Variants in CDH18 observed in about 807,000 individuals in gnomAD.
CDH18 encodes cadherin-18.
A neutral mutation model predicts 67.9 loss-of-function variants in CDH18; 31 were observed. The ratio of observed to expected loss-of-function variants is 0.46; its 90% CI spans 0.34 to 0.62. The LOEUF (loss-of-function observed/expected upper bound fraction) is 0.62. Ranked by LOEUF, CDH18 falls within the 20% of genes least tolerant of loss-of-function variation. CDH18 has a pLI of 0.01. For missense variants in CDH18, 890 were observed against 975.5 expected (o/e 0.91, Z 1.17); for synonymous variants, 362 against 347.2 (o/e 1.04, Z -0.48).
At chr5:20,020,860 GACC>G (rs1244263505) in intron 2 of CDH18, among the ~76,000 whole-genome samples, 1 of 152,054 alleles carries the variant, frequency 6.6e-6, no homozygotes, top group East Asian at 1.9e-4. Context: ...ATGAGAAGAA[GACC>G]ACCATCATCC....
chr5:19,530,213 T>C (rs1174304970), intron 9 of CDH18, among the ~76,000 whole-genome samples: 2 of 152,112 alleles, frequency 1.3e-5, no homozygotes, highest in Non-Finnish European at 2.9e-5. Context: ...GGTGGATCCA[T>C]TGTAAATTCA....
intron 3 of CDH18, among the ~76,000 whole-genome samples, chr5:19,798,928 C>T (rs187294384): frequency 7.9e-5 from 12 of 152,042 alleles, no homozygotes; most frequent in South Asian, 2.1e-4. Context: ...AATTAAGATA[C>T]CTTTTTAAAG....
intron 1 of CDH18, among the ~76,000 whole-genome samples, chr5:20,371,357 C>G (rs1742983495): frequency 6.6e-6 from 1 of 152,090 alleles, no homozygotes; most frequent in Non-Finnish European, 1.5e-5. Flanking sequence ...GTAGAGATGT[C>G]AATTAAATTG....
intron 2 of CDH18, among the ~76,000 whole-genome samples, chr5:19,940,940 C>G (rs1794748227): frequency 6.6e-6 from 1 of 152,056 alleles, no homozygotes; most frequent in South Asian, 2.1e-4. Context: ...AATAAAAGTT[C>G]CAGTCTATTA....
chr5:19,884,403 CT>C (rs1352208100), intron 2 of CDH18, among the ~76,000 whole-genome samples: 4 of 152,072 alleles, frequency 2.6e-5, no homozygotes, highest in Non-Finnish European at 5.9e-5. Context: ...TTATTAAATA[CT>C]GCCTAACAGA....
chr5:20,235,328 C>G (rs1742388482), intron 2 of CDH18, among the ~76,000 whole-genome samples: 1 of 152,042 alleles, frequency 6.6e-6, no homozygotes, highest in African/African-American at 2.4e-5. Context: ...AAACTATCAA[C>G]AGAGTAAACA....
At chr5:19,797,204 C>A (rs564375039) in intron 3 of CDH18, among the ~76,000 whole-genome samples, 92 of 151,754 alleles carry the variant, frequency 6.1e-4, no homozygotes, top group Admixed American at 1.2e-3. Flanking sequence ...AAATACTATA[C>A]CATGTAAATT....
intron 1 of CDH18, among the ~76,000 whole-genome samples, chr5:20,356,747 C>CTATATA (rs1345155159): frequency 7.5e-6 from 1 of 133,794 alleles, no homozygotes; most frequent in African/African-American, 3.2e-5. Flanking sequence ...CTCTCTCTCT[C>CTATATA]TCTCTCTATA....
rs1402338275 is a variant in CDH18, at chr5:19,494,008, C to A, written c.1630+8984G>T. On this transcript the variant is annotated intron_variant, in intron 11 of 12. Transcript: ENST00000382275. ...AAGGATTCTTTTATTGTAGTTCTTTCTTTCAAATATCACTAAAAGAAGATC... is the reference window on the plus strand; with the variant it reads ...AAGGATTCTTTTATTGTAGTTCTTTATTTCAAATATCACTAAAAGAAGATC... 3.9e-5 allele frequency among the ~76,000 whole-genome samples: 6 copies of A among 152,104 alleles called. No homozygotes were observed. The East Asian group carries it at 1.2e-3, about 29-fold the overall frequency.
chr5:19,922,760 A>T (rs886471176), intron 2 of CDH18, among the ~76,000 whole-genome samples: 1 of 152,098 alleles, frequency 6.6e-6, no homozygotes, highest in African/African-American at 2.4e-5. Flanking sequence ...CCATTATTCT[A>T]CTGGAGAACA....
At chr5:20,378,035 A>G (rs77973183) in intron 1 of CDH18, among the ~76,000 whole-genome samples, 2,886 of 152,268 alleles carry the variant, frequency 0.019, 76 homozygotes, top group East Asian at 0.076. Flanking sequence ...TTGAAGTGTC[A>G]TCTGATCATT....
chr5:20,287,296 G>A (rs1269413332), intron 1 of CDH18, among the ~76,000 whole-genome samples: 5 of 151,586 alleles, frequency 3.3e-5, no homozygotes, highest in Non-Finnish European at 4.4e-5. Context: ...GTCATCCTTA[G>A]GTCAGAATCA....
At chr5:20,517,038 C>T (rs888936703) in intron 1 of CDH18, among the ~76,000 whole-genome samples, 17 of 151,722 alleles carry the variant, frequency 1.1e-4, no homozygotes, top group African/African-American at 2.4e-4. Context: ...TCATGACAAA[C>T]GAGAATTATG....
At chr5:19,843,372 T>C (rs1362322663) in intron 2 of CDH18, among the ~76,000 whole-genome samples, 5 of 152,190 alleles carry the variant, frequency 3.3e-5, no homozygotes. Flanking sequence ...CACCAAGTGC[T>C]TGGAAGCACC....
At chr5:19,810,357 A>T (rs1778509292) in intron 3 of CDH18, among the ~76,000 whole-genome samples, 1 of 151,938 alleles carries the variant, frequency 6.6e-6, no homozygotes, top group African/African-American at 2.4e-5. Context: ...AAATAAAATA[A>T]AATAGGAGAA....
intron 1 of CDH18, among the ~76,000 whole-genome samples, chr5:20,432,441 T>C (rs1247985836): frequency 6.6e-6 from 1 of 152,130 alleles, no homozygotes; most frequent in Non-Finnish European, 1.5e-5. Context: ...GCAGTTGTAA[T>C]AAACATTTGT....
At chr5:20,565,133 A>C (rs1268637529) in intron 1 of CDH18, among the ~76,000 whole-genome samples, 2 of 152,176 alleles carry the variant, frequency 1.3e-5, no homozygotes, top group Non-Finnish European at 1.5e-5. Context: ...CCCGATGCAG[A>C]ATAGCTCTTC....
At chr5:20,574,358 A>G (rs888807818) in intron 1 of CDH18, among the ~76,000 whole-genome samples, 4 of 152,038 alleles carry the variant, frequency 2.6e-5, no homozygotes, top group Non-Finnish European at 4.4e-5. Context: ...TGAACAACAT[A>G]TTAAAAAGTT....
chr5:19,552,821 T>G (rs1014379704), intron 8 of CDH18, among the ~76,000 whole-genome samples: 3 of 152,174 alleles, frequency 2.0e-5, no homozygotes, highest in African/African-American at 4.8e-5. Context: ...CCTCACCCAG[T>G]ACAGGAGATC....
Sources: gnomAD v4.1 joint callset for allele counts (sites outside exome capture counted in the v4.1 genomes callset) on GRCh38, gnomAD v4.1.1 for gene constraint, MANE v1.5 for transcripts, NCBI Gene and HGNC (gene_info 2026-07-23, HGNC 2026-07-21) for gene names.